The following SLC25A21 variants were observed in gnomAD, a reference collection of about 807,000 sequenced individuals.
SLC25A21 encodes the protein mitochondrial 2-oxodicarboxylate carrier.
SLC25A21 carries 47 observed loss-of-function variants against 43.8 expected under a neutral mutation model. The ratio of observed to expected loss-of-function variants is 1.07; its 90% CI spans 0.85 to 1.37. SLC25A21 has a LOEUF of 1.37. Ranked by LOEUF, SLC25A21 falls within the 40% of genes most tolerant of loss-of-function variation. The pLI is 0.00. For missense variants in SLC25A21, 352 were observed against 350.2 expected (o/e 1.00, Z -0.04); for synonymous variants, 131 against 121.3 (o/e 1.08, Z -0.52).
chr14:36,836,926 AGAG>A lies in SLC25A21; in HGVS notation c.120-22928_120-22926del, dbSNP rs369311239. The stretch of plus-strand genomic sequence containing the variant: ...GGGAAGAAGAGATAAAGTAAATTAT[AGAG>A]GAGTAGGATTAGGAGGGACTCATCT... On this transcript the variant is annotated intron_variant, in intron 2 of 9. Transcript: ENST00000331299. Among the ~76,000 whole-genome samples the A allele has an allele frequency of 5.1e-3, 778 of 152,306 alleles. 7 individuals carry two copies. Among genetic ancestry groups the A allele is most frequent in the African/African-American group, 0.017 (726 of 41,562 alleles).
At chr14:36,923,167 T>C (rs1892028233) in intron 1 of SLC25A21, among the ~76,000 whole-genome samples, 1 of 151,940 alleles carries the variant, frequency 6.6e-6, no homozygotes, top group Non-Finnish European at 1.5e-5. Flanking sequence ...CAAGAAAAAT[T>C]ATACTCAAAT....
intron 3 of SLC25A21, among the ~76,000 whole-genome samples, chr14:36,744,559 A>G (rs1027412577): frequency 1.3e-5 from 2 of 152,180 alleles, no homozygotes; most frequent in African/African-American, 2.4e-5. Context: ...ACAGACTTAA[A>G]TATAAGACTT....
intron 1 of SLC25A21, among the ~76,000 whole-genome samples, chr14:36,943,117 C>T (rs1206990400): frequency 6.6e-6 from 1 of 152,124 alleles, no homozygotes. Flanking sequence ...CTATAGTCTT[C>T]CCAATTGTGA....
chr14:37,121,290 G>C (rs991919210), intron 1 of SLC25A21, among the ~76,000 whole-genome samples: 7 of 152,026 alleles, frequency 4.6e-5, no homozygotes. Context: ...TTACATGACA[G>C]GGCACGATTT....
intron 1 of SLC25A21, among the ~76,000 whole-genome samples, chr14:36,981,246 T>C (rs1183065007): frequency 6.6e-6 from 1 of 152,166 alleles, no homozygotes; most frequent in Non-Finnish European, 1.5e-5. Flanking sequence ...CTTGGGACTG[T>C]AAACTAGTTC....
chr14:37,108,945 T>C (rs1389889710), intron 1 of SLC25A21, among the ~76,000 whole-genome samples: 1 of 152,096 alleles, frequency 6.6e-6, no homozygotes, highest in African/African-American at 2.4e-5. Flanking sequence ...ATATTGCAGT[T>C]CCATTACAAC....
chr14:36,774,831 T>G (rs879684347), intron 3 of SLC25A21, among the ~76,000 whole-genome samples: 1 of 152,212 alleles, frequency 6.6e-6, no homozygotes, highest in South Asian at 2.1e-4. Flanking sequence ...GGACTCGGAT[T>G]TCTTACCTTA....
At chr14:36,720,494 A>G (rs1366266154) in intron 6 of SLC25A21, among the ~76,000 whole-genome samples, 2 of 152,234 alleles carry the variant, frequency 1.3e-5, no homozygotes, top group Non-Finnish European at 2.9e-5. Flanking sequence ...TCTGTAAAAT[A>G]AGCATCTATG....
chr14:37,005,571 TATC>T (rs1411766095), intron 1 of SLC25A21, among the ~76,000 whole-genome samples: 5 of 152,242 alleles, frequency 3.3e-5, no homozygotes, highest in African/African-American at 4.8e-5. Context: ...CTTATATAGT[TATC>T]ATACTTTATA....
At chr14:37,002,640 T>C (rs557699433) in intron 1 of SLC25A21, among the ~76,000 whole-genome samples, 16 of 152,250 alleles carry the variant, frequency 1.1e-4, no homozygotes, top group African/African-American at 3.8e-4. Flanking sequence ...AAAAAGATGA[T>C]TAAAAAACAA....
At chr14:36,942,942 C>A (rs946141966) in intron 1 of SLC25A21, among the ~76,000 whole-genome samples, 9 of 152,140 alleles carry the variant, frequency 5.9e-5, no homozygotes, top group Non-Finnish European at 1.0e-4. Context: ...TTGAGCCCCT[C>A]CCCTAGTCCA....
At chr14:36,971,708 C>T (rs1036058973) in intron 1 of SLC25A21, among the ~76,000 whole-genome samples, 7 of 152,080 alleles carry the variant, frequency 4.6e-5, no homozygotes, top group African/African-American at 1.7e-4. Context: ...CCACATGTGT[C>T]CATGTCCTAA....
chr14:36,678,330 G>C lies in SLC25A21; in HGVS notation c.*2328C>G, dbSNP rs1290707900. 3.0e-6 allele frequency: 2 copies of C among 666,222 alleles called. No individual in the cohort carries two copies. The highest frequency in any genetic ancestry group is 1.8e-5 in the African/African-American group (1 of 55,438). 41.3% of individuals were successfully genotyped at this position (666,222 alleles called of 1,614,324 possible). A position where few individuals can be genotyped will look rare whatever the true frequency, so the allele number is the denominator to read the frequency against. ...CAGCAGATATCTTATAGAGAGCTTTGAACTGCATTTATTTCTAAAGCAACC... is the reference window on the plus strand; with the variant it reads ...CAGCAGATATCTTATAGAGAGCTTTCAACTGCATTTATTTCTAAAGCAACC... On this transcript the variant is annotated 3_prime_UTR_variant, in exon 10 of 10. Transcript: ENST00000331299.
At chr14:37,100,748 G>A (rs1962801863) in intron 1 of SLC25A21, among the ~76,000 whole-genome samples, 2 of 152,296 alleles carry the variant, frequency 1.3e-5, no homozygotes, top group African/African-American at 4.8e-5. Context: ...AATGTAGTGG[G>A]TCAAGTGGGT....
chr14:37,077,563 G>C (rs1247375035), intron 1 of SLC25A21, among the ~76,000 whole-genome samples: 4 of 152,092 alleles, frequency 2.6e-5, no homozygotes, highest in Non-Finnish European at 4.4e-5. Context: ...AGGTAGATAA[G>C]GAGCAGACCC....
chr14:37,070,620 T>C (rs1403602259), intron 1 of SLC25A21, among the ~76,000 whole-genome samples: 1 of 152,242 alleles, frequency 6.6e-6, no homozygotes, highest in African/African-American at 2.4e-5. Flanking sequence ...TCATGTTAGT[T>C]AACTTTCTCT....
At chr14:36,846,303 G>C (rs1252105272) in intron 2 of SLC25A21, among the ~76,000 whole-genome samples, 1 of 152,068 alleles carries the variant, frequency 6.6e-6, no homozygotes, top group African/African-American at 2.4e-5. Context: ...TGATATCCCT[G>C]ATCCATAAGA....
intron 3 of SLC25A21, among the ~76,000 whole-genome samples, chr14:36,798,166 G>A (rs1254236535): frequency 6.6e-6 from 1 of 152,122 alleles, no homozygotes; most frequent in Non-Finnish European, 1.5e-5. Flanking sequence ...CTCCTATTCA[G>A]GTAAGCCAGA....
chr14:37,004,906 A>G (rs1356478150), intron 1 of SLC25A21, among the ~76,000 whole-genome samples: 1 of 150,158 alleles, frequency 6.7e-6, no homozygotes, highest in Non-Finnish European at 1.5e-5. Flanking sequence ...AGGAGGAATA[A>G]GAAGAATGGC....
Sources: allele counts gnomAD v4.1 joint callset (sites outside exome capture counted in the v4.1 genomes callset), GRCh38; gene constraint gnomAD v4.1.1; transcripts MANE v1.5; gene names NCBI Gene and HGNC (gene_info 2026-07-23, HGNC 2026-07-21).